CNBD1: variants seen among roughly 807,000 people sequenced by gnomAD.
CNBD1 encodes the protein cyclic nucleotide-binding domain-containing protein 1.
A neutral mutation model predicts 54.4 loss-of-function variants in CNBD1; 71 were observed. The observed-to-expected ratio is 1.30, with a 90% CI of 1.08 to 1.59. The LOEUF (loss-of-function observed/expected upper bound fraction) is 1.59, where lower values mean the gene tolerates loss of function less well. Among genes scored for constraint, CNBD1 ranks in the 40% most tolerant of loss-of-function variants. CNBD1 has a pLI of 0.00. For missense variants in CNBD1, 659 were observed against 518.0 expected (o/e 1.27, Z -2.64); for synonymous variants, 182 against 170.7 (o/e 1.07, Z -0.51).
At chr8:86,981,250 A>G (rs1808481028) in intron 4 of CNBD1, among the ~76,000 whole-genome samples, 1 of 152,174 alleles carries the variant, frequency 6.6e-6, no homozygotes, top group South Asian at 2.1e-4. Context: ...TCCAAGTTAC[A>G]TGGGTTTTAG....
chr8:87,268,199 A>G (rs1808299632), intron 6 of CNBD1, among the ~76,000 whole-genome samples: 1 of 152,110 alleles, frequency 6.6e-6, no homozygotes, highest in Non-Finnish European at 1.5e-5. Flanking sequence ...GGAAGAACAT[A>G]AAGTATTTGG....
In CNBD1 at chr8:87,211,815, A is replaced by G. The variant is rs1484021673; in HGVS notation, c.577+5677A>G. ...GACCCAGTCTCATGTGTTTCTTTATAGCAATGCATGAATGACCTAACACAT... is the reference window on the plus strand; with the variant it reads ...GACCCAGTCTCATGTGTTTCTTTATGGCAATGCATGAATGACCTAACACAT... On this transcript the variant is annotated intron_variant, in intron 5 of 10. Transcript: ENST00000518476. Among the ~76,000 whole-genome samples the G allele has an allele frequency of 2.0e-5, 3 of 152,200 alleles. No individual in the cohort carries two copies. In the East Asian group the frequency reaches 5.8e-4, roughly 29 times the overall value.
At chr8:87,362,083 C>G (rs939782680) in intron 10 of CNBD1, among the ~76,000 whole-genome samples, 1 of 152,018 alleles carries the variant, frequency 6.6e-6, no homozygotes, top group African/African-American at 2.4e-5. Flanking sequence ...ACCATGCTTA[C>G]TTAAAATCTA....
At chr8:87,161,326 T>TA (rs1277749658) in intron 4 of CNBD1, among the ~76,000 whole-genome samples, 3 of 152,138 alleles carry the variant, frequency 2.0e-5, no homozygotes, top group African/African-American at 4.8e-5. Context: ...GGCAAGAACT[T>TA]ACAATCGTAG....
chr8:87,062,031 T>TAAGCCTGTGACACC (rs1312548429), intron 4 of CNBD1, among the ~76,000 whole-genome samples: 1 of 152,222 alleles, frequency 6.6e-6, no homozygotes, highest in Non-Finnish European at 1.5e-5. Flanking sequence ...TTAGTGACAT[T>TAAGCCTGTGACACC]AAGCCTGTGA....
intron 4 of CNBD1, among the ~76,000 whole-genome samples, chr8:87,167,220 G>C (rs142194448): frequency 4.0e-5 from 6 of 151,878 alleles, no homozygotes; most frequent in African/African-American, 1.4e-4. Context: ...AACATTCTTT[G>C]TTTCTACGGA....
intron 6 of CNBD1, among the ~76,000 whole-genome samples, chr8:87,279,241 G>T (rs554476692): frequency 6.6e-6 from 1 of 150,778 alleles, no homozygotes; most frequent in East Asian, 1.9e-4. Flanking sequence ...AGGATGCATT[G>T]GTAATAACTA....
intron 4 of CNBD1, among the ~76,000 whole-genome samples, chr8:87,092,485 A>G (rs557139682): frequency 1.0e-4 from 14 of 137,596 alleles, no homozygotes; most frequent in African/African-American, 4.2e-4. Flanking sequence ...ATATACACAT[A>G]TGTGTGTGTG....
At chr8:87,365,196 C>T (rs190245028) in intron 10 of CNBD1, among the ~76,000 whole-genome samples, 1 of 151,986 alleles carries the variant, frequency 6.6e-6, no homozygotes, top group African/African-American at 2.4e-5. Flanking sequence ...AATGGCTATT[C>T]TGACTGATGT....
chr8:87,180,910 A>C (rs184318301), intron 4 of CNBD1, among the ~76,000 whole-genome samples: 3 of 152,174 alleles, frequency 2.0e-5, no homozygotes, highest in Admixed American at 2.0e-4. Flanking sequence ...TGCTGTAAAC[A>C]AGTATCGAGG....
intron 4 of CNBD1, among the ~76,000 whole-genome samples, chr8:86,949,788 G>T (rs1312379356): frequency 1.3e-5 from 2 of 151,572 alleles, no homozygotes; most frequent in Non-Finnish European, 2.9e-5. Context: ...TCTTTGTCAT[G>T]TTCCAGATCT....
At chr8:87,291,784 T>C (rs1032953194) in intron 8 of CNBD1, among the ~76,000 whole-genome samples, 1 of 152,130 alleles carries the variant, frequency 6.6e-6, no homozygotes, top group African/African-American at 2.4e-5. Flanking sequence ...ATGCCTGGCT[T>C]TCCTTGTATT....
intron 8 of CNBD1, among the ~76,000 whole-genome samples, chr8:87,346,378 A>G (rs1020383424): frequency 1.3e-5 from 2 of 152,032 alleles, no homozygotes; most frequent in Admixed American, 6.6e-5. Flanking sequence ...TTGAGAATCC[A>G]GGTTTGATAT....
intron 8 of CNBD1, among the ~76,000 whole-genome samples, chr8:87,294,295 C>A (rs1022338075): frequency 2.6e-5 from 4 of 152,160 alleles, no homozygotes; most frequent in Admixed American, 2.6e-4. Context: ...ATTTCCACTT[C>A]TTTGCAATGC....
chr8:86,886,314 T>A (rs1402293311), intron 1 of CNBD1, among the ~76,000 whole-genome samples: 1 of 152,202 alleles, frequency 6.6e-6, no homozygotes, highest in East Asian at 1.9e-4. Context: ...TTAAAATAAA[T>A]TATTCCATAT....
At chr8:87,329,069 G>A (rs976364606) in intron 8 of CNBD1, among the ~76,000 whole-genome samples, 3 of 151,320 alleles carry the variant, frequency 2.0e-5, no homozygotes, top group African/African-American at 7.3e-5. Context: ...TTAAATTTAG[G>A]TCTGTTATCT....
chr8:87,141,753 G>A (rs1812374500), intron 4 of CNBD1, among the ~76,000 whole-genome samples: 1 of 151,926 alleles, frequency 6.6e-6, no homozygotes, highest in African/African-American at 2.4e-5. Flanking sequence ...AATTAGAAAA[G>A]GTCCTATAGG....
rs1318391677 is a variant in CNBD1, at chr8:86,909,540, A to G, written c.272+4346A>G. Reference sequence around the variant, plus strand: ...AACATTGCAGTGTGGTTTTTTTTTTATTATACTTTCAGTTCTAGGGTACAT... The same window carrying G: ...AACATTGCAGTGTGGTTTTTTTTTTGTTATACTTTCAGTTCTAGGGTACAT... On this transcript the variant is annotated intron_variant, in intron 3 of 10. Coordinates refer to ENST00000518476, the MANE Select transcript of CNBD1 (RefSeq NM_173538.3). 2.0e-5 allele frequency among the ~76,000 whole-genome samples: 3 copies of G among 150,838 alleles called. No homozygotes were observed. In the East Asian group the frequency reaches 5.9e-4, roughly 29 times the overall value.
At chr8:87,411,398 A>T (rs202066144) in intron 2 of CNBD1, among the ~76,000 whole-genome samples, 34 of 3,910 alleles carry the variant, frequency 8.7e-3, no homozygotes, top group African/African-American at 0.033. Flanking sequence ...TAGCTATATC[A>T]TATATATATA....
Sources: allele counts gnomAD v4.1 joint callset (sites outside exome capture counted in the v4.1 genomes callset), GRCh38; gene constraint gnomAD v4.1.1; transcripts MANE v1.5; gene names NCBI Gene and HGNC (gene_info 2026-07-23, HGNC 2026-07-21).